Variants in KCNH1 observed in about 807,000 individuals in gnomAD.
KCNH1 encodes voltage-gated delayed rectifier potassium channel KCNH1.
Under a neutral mutation model 69.2 loss-of-function variants are expected in KCNH1, and 27 were observed. The observed-to-expected ratio is 0.39, with a 90% CI of 0.29 to 0.54. The LOEUF is 0.54. Among genes scored for constraint, KCNH1 ranks in the 20% least tolerant of loss-of-function variants. KCNH1 has a pLI of 0.68. For missense variants in KCNH1, 798 were observed against 1,261.6 expected (o/e 0.63, Z 5.57); for synonymous variants, 456 against 487.7 (o/e 0.93, Z 0.86).
At position 210,820,617 on chromosome 1, in the gene KCNH1, G is replaced by C. The variant is rs569176744; in HGVS notation, c.1463-16451C>G. On this transcript the variant is annotated intron_variant, in intron 7 of 10. Coordinates refer to ENST00000271751, the MANE Select transcript of KCNH1 (RefSeq NM_172362.3). ...TCACTACACTCCAGCCTGGGCGACA[G>C]AGAGAGACTCTGTCTCAAAAAACAA... is the stretch of plus-strand genomic sequence containing the variant. Among the ~76,000 whole-genome samples, 28 of 152,268 alleles carry C rather than the reference G, an allele frequency of 1.8e-4. 1 individual carries two copies. The South Asian group carries it at 5.4e-3, about 29-fold the overall frequency.
At chr1:210,993,209 T>A (rs549749968) in intron 6 of KCNH1, among the ~76,000 whole-genome samples, 12 of 152,242 alleles carry the variant, frequency 7.9e-5, no homozygotes, top group Non-Finnish European at 1.5e-4. Context: ...ACAAATAACA[T>A]GTCATTAAAT....
At chr1:210,775,090 A>G (rs957614633) in intron 10 of KCNH1, among the ~76,000 whole-genome samples, 6 of 152,096 alleles carry the variant, frequency 3.9e-5, no homozygotes, top group African/African-American at 1.2e-4. Flanking sequence ...TGGGGGAAAA[A>G]AAAGCCACCT....
chr1:211,085,571 C>A (rs1044045714), intron 4 of KCNH1, among the ~76,000 whole-genome samples: 1 of 151,504 alleles, frequency 6.6e-6, no homozygotes, highest in African/African-American at 2.4e-5. Flanking sequence ...GTGGCCTGGG[C>A]CAGGGGTCAA....
intron 10 of KCNH1, among the ~76,000 whole-genome samples, chr1:210,750,240 G>A (rs1192789859): frequency 6.6e-6 from 1 of 152,212 alleles, no homozygotes; most frequent in Non-Finnish European, 1.5e-5. Flanking sequence ...TCATAAAGTT[G>A]TAGCAAGGAT....
chr1:210,919,947 C>A lies in KCNH1; in HGVS notation c.1155G>T (p.Val385=). 1 of 1,614,184 alleles carries A rather than the reference C, an allele frequency of 6.2e-7. No homozygotes were observed. Among genetic ancestry groups the A allele is most frequent in the Non-Finnish European group, 8.5e-7 (1 of 1,180,010 alleles). ...GAAVLVLLVC[V]FGLAAHWMAC... The stretch of plus-strand genomic sequence containing the variant: ...CCATCCAGTGTGCAGCCAGCCCAAA[C>A]ACACACACCAGCAGGACCAGCACAG... Residue 385 remains valine, a synonymous_variant, in exon 7 of 11, where the codon GTG becomes GTT. Coordinates refer to ENST00000271751, the MANE Select transcript of KCNH1 (RefSeq NM_172362.3). The surrounding 1 kb of genome is among the most constrained non-coding windows in gnomAD (Gnocchi z 4.2).
rs549712321 is a variant in KCNH1, at chr1:210,999,481, G to C, written c.1032+19302C>G. Among the ~76,000 whole-genome samples the C allele has an allele frequency of 3.9e-5, 6 of 152,208 alleles. No homozygotes were observed. In the South Asian group the frequency reaches 1.2e-3, roughly 32 times the overall value. Reference sequence around the variant, plus strand: ...TAAACCAGGAAGAAATGGAATCTCTGAATAGACCAATAACAGGCTCTGAAA... The same window carrying C: ...TAAACCAGGAAGAAATGGAATCTCTCAATAGACCAATAACAGGCTCTGAAA... On this transcript the variant is annotated intron_variant, in intron 6 of 10. Transcript: ENST00000271751.
At chr1:210,768,714 C>T (rs942150764) in intron 10 of KCNH1, among the ~76,000 whole-genome samples, 1 of 152,106 alleles carries the variant, frequency 6.6e-6, no homozygotes, top group African/African-American at 2.4e-5. Flanking sequence ...GTGTTCATTC[C>T]AGAACTTTAT....
In KCNH1 at chr1:211,082,844, A is replaced by C. The variant is rs918895363; in HGVS notation, c.494T>G (p.Leu165Arg). ...TRALTSSRGV[L>R]QQLAPSVQKG... The stretch of plus-strand genomic sequence containing the variant: ...TTGCACGCTTGGAGCCAGCTGCTGC[A>C]GGACACCCCTGCTGCTTGTCAGTGC... The change falls in exon 5 of 11, where the codon CTG becomes CGG. Residue 165 changes from leucine (L) to arginine (R), a missense_variant. By Grantham distance (102) the Leu-to-Arg change is moderately radical. Coordinates refer to ENST00000271751, the MANE Select transcript of KCNH1 (RefSeq NM_172362.3). 1 of 1,614,168 alleles carries C rather than the reference A, an allele frequency of 6.2e-7. No individual in the cohort carries two copies. Among genetic ancestry groups the C allele is most frequent in the Non-Finnish European group, 8.5e-7 (1 of 1,180,012 alleles).
At chr1:210,859,671 T>C (rs964266653) in intron 7 of KCNH1, 56 of 1,293,092 alleles carry the variant, frequency 4.3e-5, no homozygotes, top group Non-Finnish European at 6.2e-5. Flanking sequence ...ATGCTCTTTT[T>C]AATCCATTAA....
chr1:210,744,404 G>A (rs1017172228), intron 10 of KCNH1, among the ~76,000 whole-genome samples: 1 of 152,176 alleles, frequency 6.6e-6, no homozygotes, highest in Non-Finnish European at 1.5e-5. Flanking sequence ...CCAGCACTTT[G>A]GGAGACCTAG....
At chr1:210,802,422 G>A (rs531202193) in intron 8 of KCNH1, among the ~76,000 whole-genome samples, 24 of 152,148 alleles carry the variant, frequency 1.6e-4, no homozygotes, top group African/African-American at 5.8e-4. Flanking sequence ...TCTAACGGTC[G>A]AAAGAATCAG....
rs12023866 is a variant in KCNH1 at position 210,764,655 on chromosome 1, C to A, written c.2112+10693G>T. Among the ~76,000 whole-genome samples, 242 of 152,178 alleles carry A rather than the reference C, an allele frequency of 1.6e-3. 10 individuals are homozygous for A. In the East Asian group the frequency reaches 0.044, roughly 28 times the overall value. On this transcript the variant is annotated intron_variant, in intron 10 of 10. Transcript: ENST00000271751. ...ATCAAAGAAATGCAAACCAAAACCACAAAGAAATACCATCTCACACCAGTC... is the reference window on the plus strand; with the variant it reads ...ATCAAAGAAATGCAAACCAAAACCAAAAAGAAATACCATCTCACACCAGTC...
At chr1:210,694,268 G>A (rs895949763) in intron 10 of KCNH1, among the ~76,000 whole-genome samples, 8 of 151,900 alleles carry the variant, frequency 5.3e-5, no homozygotes, top group Non-Finnish European at 1.0e-4. Context: ...ACACACACAC[G>A]CTCAGCAAAC....
chr1:210,784,247 A>T (rs886100589), intron 9 of KCNH1, among the ~76,000 whole-genome samples: 4 of 152,234 alleles, frequency 2.6e-5, no homozygotes, highest in African/African-American at 9.6e-5. Flanking sequence ...CAAAGTTTTG[A>T]CATCTTATAA....
intron 7 of KCNH1, among the ~76,000 whole-genome samples, chr1:210,872,071 A>C (rs529224184): frequency 1.2e-3 from 186 of 151,904 alleles, no homozygotes; most frequent in Admixed American, 3.1e-3. Flanking sequence ...ATTAAAAAAA[A>C]CAAAATATAT....
chr1:211,023,078 T>G (rs892511474), intron 5 of KCNH1, among the ~76,000 whole-genome samples: 2 of 151,218 alleles, frequency 1.3e-5, no homozygotes, highest in African/African-American at 4.9e-5. Flanking sequence ...GCCACTGCAC[T>G]CCAGCCTGGG....
At chr1:210,806,630 T>C (rs1684555031) in intron 7 of KCNH1, among the ~76,000 whole-genome samples, 1 of 51,188 alleles carries the variant, frequency 2.0e-5, no homozygotes, top group Admixed American at 1.7e-4. Context: ...GATTCATCCA[T>C]GTTACTGCAT....
intron 6 of KCNH1, among the ~76,000 whole-genome samples, chr1:210,933,576 A>G (rs1006657887): frequency 6.6e-5 from 10 of 151,862 alleles, no homozygotes; most frequent in Non-Finnish European, 1.2e-4. Flanking sequence ...AAAAACATAC[A>G]AAAAATGAAT....
chr1:210,862,920 C>G (rs755880336), intron 7 of KCNH1, among the ~76,000 whole-genome samples: 14 of 152,162 alleles, frequency 9.2e-5, no homozygotes, highest in Non-Finnish European at 1.9e-4. Flanking sequence ...CCTACAGATT[C>G]CCTGAAGCCA....
Sources: allele counts gnomAD v4.1 joint callset (sites outside exome capture counted in the v4.1 genomes callset), GRCh38; gene constraint gnomAD v4.1.1; non-coding constraint Gnocchi (gnomAD v3.1); transcripts MANE v1.5; gene names NCBI Gene and HGNC (gene_info 2026-07-23, HGNC 2026-07-21).